NEBL: variants seen among roughly 807,000 people sequenced by gnomAD.
NEBL encodes the protein nebulette.
In NEBL, 122 loss-of-function variants were observed where a neutral mutation model predicts 140.2. The observed-to-expected ratio is 0.87, with a 90% CI of 0.75 to 1.01. The LOEUF (loss-of-function observed/expected upper bound fraction) is 1.01. Among genes scored for constraint, NEBL ranks in the 50% least tolerant of loss-of-function variants. The probability of loss-of-function intolerance (pLI) is 0.00; values close to 1 mark genes in which losing one functional copy is unlikely to be tolerated. For synonymous variants in NEBL, 436 were observed against 398.9 expected, an observed-to-expected ratio of 1.09 and a Z score of -1.11; for missense variants, 1,365 against 1,231.3, an observed-to-expected ratio of 1.11 and a Z score of -1.62.
chr10:20,943,137 C>T (rs1473937148), intron 4 of NEBL, among the ~76,000 whole-genome samples: 2 of 152,200 alleles, frequency 1.3e-5, no homozygotes, highest in African/African-American at 4.8e-5. Context: ...GACACATGCA[C>T]ACGTATGTTT....
intron 2 of NEBL, chr10:21,113,303 A>AAAAAAAC (rs1257467832): frequency 5.9e-6 from 2 of 336,478 alleles, no homozygotes; most frequent in East Asian, 2.1e-4. Flanking sequence ...AAAAAAAAAA[A>AAAAAAAC]AAACCAGGAA....
intron 1 of NEBL, among the ~76,000 whole-genome samples, chr10:21,255,485 G>C (rs569090045): frequency 6.6e-6 from 1 of 152,288 alleles, no homozygotes; most frequent in Non-Finnish European, 1.5e-5. Flanking sequence ...CAACTACTTA[G>C]ATTTAAATTT....
At chr10:21,002,036 T>C (rs1837927340) in intron 3 of NEBL, among the ~76,000 whole-genome samples, 1 of 152,194 alleles carries the variant, frequency 6.6e-6, no homozygotes, top group African/African-American at 2.4e-5. Flanking sequence ...AGTTGGGTTT[T>C]TCTACACGTA....
At chr10:21,034,943 CTTAT>C (rs199827432) in intron 2 of NEBL, among the ~76,000 whole-genome samples, 67,780 of 142,040 alleles carry the variant, frequency 0.48, 16,473 homozygotes, top group South Asian at 0.56. Flanking sequence ...GCTATTTATT[CTTAT>C]TTATTTATTT....
intron 26 of NEBL, among the ~76,000 whole-genome samples, chr10:20,800,232 T>C (rs1192355028): frequency 6.6e-6 from 1 of 152,076 alleles, no homozygotes; most frequent in African/African-American, 2.4e-5. Context: ...TATTTTTCTT[T>C]CTATGTCTGG....
intron 2 of NEBL, chr10:21,172,273 C>T (rs924364403): frequency 7.6e-5 from 64 of 839,380 alleles, no homozygotes; most frequent in Middle Eastern, 5.1e-4. Flanking sequence ...GTAACTGGCC[C>T]CTGCCACACC....
intron 2 of NEBL, among the ~76,000 whole-genome samples, chr10:21,046,146 C>A (rs1438322873): frequency 6.6e-6 from 1 of 152,160 alleles, no homozygotes; most frequent in East Asian, 1.9e-4. Context: ...ATAAATACCA[C>A]ATGATCTCAC....
intron 16 of NEBL, 95 bp downstream of exon 16, chr10:20,831,101 T>A: frequency 1.1e-6 from 1 of 913,892 alleles, no homozygotes; most frequent in Admixed American, 1.8e-5. Flanking sequence ...CTGAATGCAA[T>A]GCCCTCAGAA....
chr10:21,120,624 C>T (rs959501256), intron 2 of NEBL, among the ~76,000 whole-genome samples: 1 of 144,650 alleles, frequency 6.9e-6, no homozygotes, highest in Non-Finnish European at 1.5e-5. Context: ...TTCTCTCTCC[C>T]ATCATCCTTC....
At chr10:21,248,372 C>T (rs1407543122) in intron 2 of NEBL, among the ~76,000 whole-genome samples, 1 of 151,778 alleles carries the variant, frequency 6.6e-6, no homozygotes, top group Non-Finnish European at 1.5e-5. Flanking sequence ...AAAAAAATTA[C>T]CTTGCAGTGA....
At chr10:21,215,370 C>G (rs963514157) in intron 3 of NEBL, among the ~76,000 whole-genome samples, 2 of 152,090 alleles carry the variant, frequency 1.3e-5, no homozygotes, top group Middle Eastern at 3.2e-3. Flanking sequence ...AATGGGCTGT[C>G]TTATTATGGG....
chr10:21,155,448 T>A (rs1268220055), intron 2 of NEBL, among the ~76,000 whole-genome samples: 1 of 152,172 alleles, frequency 6.6e-6, no homozygotes, highest in Non-Finnish European at 1.5e-5. Flanking sequence ...CCTTCCCAGC[T>A]TCTGGTAACC....
Position 21,252,418 on chromosome 10 carries a change from T to C in NEBL, n.183-590A>G, listed in dbSNP as rs1017495336. 4.6e-5 allele frequency among the ~76,000 whole-genome samples: 7 copies of C among 152,206 alleles called. No homozygotes were observed. In the East Asian group the frequency reaches 1.3e-3, roughly 29 times the overall value. On this transcript the variant is annotated intron_variant and non_coding_transcript_variant, in intron 1 of 8. Transcript: ENST00000675702. ...TTGATTGATAGATAGATAGATATTTTATATTAGCCTTGTTACAGGAAAGCA... is the reference window on the plus strand; with the variant it reads ...TTGATTGATAGATAGATAGATATTTCATATTAGCCTTGTTACAGGAAAGCA...
intron 3 of NEBL, among the ~76,000 whole-genome samples, chr10:20,972,326 C>G (rs774455270): frequency 6.6e-6 from 1 of 152,116 alleles, no homozygotes; most frequent in Admixed American, 6.5e-5. Flanking sequence ...CCTGCAATGG[C>G]ATTATTGATC....
chr10:20,818,119 A>G (rs1165214824), intron 20 of NEBL, among the ~76,000 whole-genome samples: 6 of 152,218 alleles, frequency 3.9e-5, no homozygotes, highest in Admixed American at 2.6e-4. Flanking sequence ...TCTGACTCCT[A>G]CCACCTCCCA....
In NEBL at chr10:21,029,299, G is replaced by A. The variant is rs1043482121; in HGVS notation, c.165-9098C>T. ...ATCGCCACCCTACACTTCTTTTCTA[G>A]GGAACCTATCCTATGATGTGACAGA... On this transcript the variant is annotated intron_variant, in intron 2 of 6. Coordinates refer to the NEBL transcript ENST00000417816. 3.7e-6 allele frequency: 6 copies of A among 1,609,032 alleles called. No individual in the cohort carries two copies. In the African/African-American group the frequency reaches 8.0e-5, roughly 22 times the overall value.
At chr10:20,961,088 A>G (rs1807173447) in intron 4 of NEBL, among the ~76,000 whole-genome samples, 1 of 152,202 alleles carries the variant, frequency 6.6e-6, no homozygotes, top group South Asian at 2.1e-4. Flanking sequence ...AGAGCTGTTT[A>G]TCCACCTTTA....
intron 4 of NEBL, among the ~76,000 whole-genome samples, chr10:20,912,508 T>C (rs1249047944): frequency 6.6e-6 from 1 of 152,220 alleles, no homozygotes; most frequent in African/African-American, 2.4e-5. Context: ...TCTTTTCTCA[T>C]TCTTCACATG....
intron 4 of NEBL, among the ~76,000 whole-genome samples, chr10:20,931,673 G>A (rs557221589): frequency 5.9e-5 from 9 of 152,238 alleles, no homozygotes; most frequent in African/African-American, 2.2e-4. Flanking sequence ...GGCCCATGCA[G>A]GGCGCAGAAG....
Sources: allele counts gnomAD v4.1 joint callset (sites outside exome capture counted in the v4.1 genomes callset), GRCh38; gene constraint gnomAD v4.1.1; transcripts MANE v1.5; gene names NCBI Gene and HGNC (gene_info 2026-07-23, HGNC 2026-07-21).